RBBP8: variants seen among roughly 807,000 people sequenced by gnomAD.
RBBP8 encodes RB binding protein 8, endonuclease.
A neutral mutation model predicts 108.3 loss-of-function variants in RBBP8; 88 were observed. That is an observed-to-expected ratio of 0.81 (90% CI 0.68 to 0.97). The LOEUF (loss-of-function observed/expected upper bound fraction) is 0.97. Among genes scored for constraint, RBBP8 ranks in the 50% least tolerant of loss-of-function variants. RBBP8 has a pLI of 0.00. For synonymous variants in RBBP8, 332 were observed against 348.2 expected (o/e 0.95, Z 0.52); for missense variants, 1,023 against 1,049.0 (o/e 0.98, Z 0.34).
intron 18 of RBBP8, among the ~76,000 whole-genome samples, chr18:23,022,663 T>TAAAA (rs368137173): frequency 2.0e-5 from 2 of 99,738 alleles, no homozygotes; most frequent in African/African-American, 3.0e-5. Context: ...TAAAATAAAA[T>TAAAA]AAAATAAATA....
At chr18:22,995,741 C>T (rs1264929723) in intron 12 of RBBP8, among the ~76,000 whole-genome samples, 1 of 151,888 alleles carries the variant, frequency 6.6e-6, no homozygotes, top group Non-Finnish European at 1.5e-5. Flanking sequence ...TATTTTATTT[C>T]TTTTTATTGG....
At chr18:23,026,045 C>CT (rs1338349846) in intron 18 of RBBP8, 98 bp from the exon 19 acceptor site, 12 of 964,158 alleles carry the variant, frequency 1.2e-5, no homozygotes, top group Non-Finnish European at 2.0e-5. Context: ...ATCATGTAAA[C>CT]TTACAAAGCA....
rs776583552 is a variant in RBBP8, at chr18:22,949,716, G to A, written c.248+3G>A. 1.9e-6 allele frequency: 3 copies of A among 1,595,456 alleles called. No individual in the cohort carries two copies. The highest frequency in any genetic ancestry group is 2.2e-5 in the South Asian group (2 of 90,690). On this transcript the variant is annotated splice_donor_region_variant and intron_variant, in intron 4 of 18. Transcript: ENST00000327155. The stretch of plus-strand genomic sequence containing the variant: ...ACCATTAAAGTTTTAGAAGATCGGT[G>A]AGTCTGGCACTTAGGTCTTGAGTAA...
At chr18:22,946,873 G>A (rs1567952227) in intron 3 of RBBP8, among the ~76,000 whole-genome samples, 1 of 152,078 alleles carries the variant, frequency 6.6e-6, no homozygotes, top group Non-Finnish European at 1.5e-5. Flanking sequence ...ACGAGGAGCA[G>A]AATAATTCTG....
chr18:22,971,161 A>G lies in RBBP8; in HGVS notation c.361+2243A>G, dbSNP rs1011474247. Among the ~76,000 whole-genome samples, 7 of 151,658 alleles carry G rather than the reference A, an allele frequency of 4.6e-5. No individual in the cohort carries two copies. In the East Asian group the frequency reaches 1.4e-3, roughly 29 times the overall value. On this transcript the variant is annotated intron_variant, in intron 5 of 18. Transcript: ENST00000327155. ...CAGGAGAGTCTTTAAAAAAAAAAAA[A>G]AGCTTCTTTGAACACCCACCCAATA...
At chr18:23,016,726 A>G in intron 16 of RBBP8, 102 bp from the exon 17 acceptor site, 1 of 909,618 alleles carries the variant, frequency 1.1e-6, no homozygotes. Flanking sequence ...ATATTTTTCT[A>G]ACATACTGAA....
intron 18 of RBBP8, 55 bp downstream of exon 18, chr18:23,022,325 G>T: frequency 6.6e-7 from 1 of 1,522,084 alleles, no homozygotes; most frequent in Admixed American, 1.7e-5. Context: ...ACTTGGCCGG[G>T]CACAGTGGCT....
chr18:23,022,664 A>AAAATAAAATAAAAAAAAT (rs2046386669), intron 18 of RBBP8, among the ~76,000 whole-genome samples: 3 of 47,206 alleles, frequency 6.4e-5, no homozygotes, highest in Non-Finnish European at 3.0e-4. Context: ...AAAATAAAAT[A>AAAATAAAATAAAAAAAAT]AAATAAATAA....
At chr18:23,005,737 T>C (rs1300828993) in intron 15 of RBBP8, among the ~76,000 whole-genome samples, 1 of 152,148 alleles carries the variant, frequency 6.6e-6, no homozygotes, top group East Asian at 1.9e-4. Context: ...AAGCTGTCTT[T>C]TGTTGTTCTT....
intron 1 of RBBP8, 133 bp from the exon 2 acceptor site, chr18:22,936,621 A>G (rs1431317263): frequency 1.2e-5 from 6 of 509,086 alleles, no homozygotes; most frequent in East Asian, 3.6e-5. Context: ...TCCCCTCCCA[A>G]ATTCTAAAAA....
At chr18:22,923,901 C>T (rs1336545578) in intron 3 of RBBP8, among the ~76,000 whole-genome samples, 1 of 152,038 alleles carries the variant, frequency 6.6e-6, no homozygotes, top group Non-Finnish European at 1.5e-5. Context: ...CTCAAATGTA[C>T]ATATCTATTA....
At position 22,992,651 on chromosome 18, in the gene RBBP8, C is replaced by A. The variant is rs73398643; in HGVS notation, c.921-97C>A. 1,425 of 1,017,548 alleles carry A rather than the reference C, an allele frequency of 1.4e-3. 12 individuals are homozygous for A. In the African/African-American group the frequency reaches 0.021, roughly 15 times the overall value. The allele number at this position is 1,017,548 out of a possible 1,614,324, so 63.0% of individuals were successfully genotyped here. A position where few individuals can be genotyped will look rare whatever the true frequency, so the allele number is the denominator to read the frequency against. On this transcript the variant is annotated intron_variant, in intron 10 of 18. Transcript: ENST00000327155. ...AAATGAAGAGAAGCCAAAAGCTGTACCTTGTCTTAAATTTTGGTTAATCAT... is the reference window on the plus strand; with the variant it reads ...AAATGAAGAGAAGCCAAAAGCTGTAACTTGTCTTAAATTTTGGTTAATCAT...
intron 14 of RBBP8, among the ~76,000 whole-genome samples, chr18:23,001,270 C>G (rs2045942630): frequency 6.6e-6 from 1 of 152,198 alleles, no homozygotes; most frequent in African/African-American, 2.4e-5. Context: ...GAATACTCTG[C>G]AAAGTAAGGC....
chr18:22,969,664 GGT>G (rs1200644548), intron 5 of RBBP8, among the ~76,000 whole-genome samples: 1 of 152,068 alleles, frequency 6.6e-6, no homozygotes, highest in Non-Finnish European at 1.5e-5. Flanking sequence ...TGCTCCCAGA[GGT>G]AACTACTGTT....
chr18:22,979,382 C>T (rs1462860989), intron 6 of RBBP8, among the ~76,000 whole-genome samples: 1 of 151,278 alleles, frequency 6.6e-6, no homozygotes, highest in East Asian at 1.9e-4. Context: ...AAGATTGTTC[C>T]TTGGTATAAA....
At chr18:22,935,436 A>T (rs978619263) in intron 1 of RBBP8, among the ~76,000 whole-genome samples, 1 of 151,752 alleles carries the variant, frequency 6.6e-6, no homozygotes, top group Admixed American at 6.6e-5. Flanking sequence ...GAAAATTAAT[A>T]ATTTCCTAAT....
intron 1 of RBBP8, among the ~76,000 whole-genome samples, chr18:22,935,003 T>C (rs925391605): frequency 1.3e-5 from 2 of 148,542 alleles, no homozygotes; most frequent in African/African-American, 4.9e-5. Context: ...ATATTAATAT[T>C]CTATAGTTTC....
intron 4 of RBBP8, among the ~76,000 whole-genome samples, chr18:22,954,887 A>G (rs1355475685): frequency 6.6e-6 from 1 of 152,144 alleles, no homozygotes; most frequent in Non-Finnish European, 1.5e-5. Context: ...ACTCACTATC[A>G]AGAGAACAGC....
At chr18:22,952,438 G>C (rs993842501) in intron 4 of RBBP8, among the ~76,000 whole-genome samples, 2 of 152,160 alleles carry the variant, frequency 1.3e-5, no homozygotes, top group South Asian at 2.1e-4. Context: ...TATTAAAATA[G>C]AAGAAAAGCC....
Sources: gnomAD v4.1 joint callset for allele counts (sites outside exome capture counted in the v4.1 genomes callset) on GRCh38, gnomAD v4.1.1 for gene constraint, MANE v1.5 for transcripts, NCBI Gene and HGNC (gene_info 2026-07-23, HGNC 2026-07-21) for gene names.